The following ADAMTSL3 variants were observed in gnomAD, a reference collection of about 807,000 sequenced individuals.
The protein encoded by ADAMTSL3 is ADAMTS like 3.
Under a neutral mutation model 201.7 loss-of-function variants are expected in ADAMTSL3, and 128 were observed. The observed-to-expected ratio is 0.63, with a 90% CI of 0.55 to 0.73. The LOEUF is 0.73. ADAMTSL3 is among the 30% of genes least tolerant of loss of function. The pLI, the probability that ADAMTSL3 is intolerant of heterozygous loss-of-function variation, is 0.00. For synonymous variants in ADAMTSL3, 738 were observed against 748.4 expected (o/e 0.99, Z 0.23); for missense variants, 1,990 against 2,119.6 (o/e 0.94, Z 1.20).
chr15:83,951,736 TGG>T (rs969377324), intron 19 of ADAMTSL3, among the ~76,000 whole-genome samples: 3 of 152,172 alleles, frequency 2.0e-5, no homozygotes, highest in African/African-American at 7.2e-5. Flanking sequence ...TGGTTCAATC[TGG>T]GTAGGTTGTA....
chr15:84,007,267 C>T (rs2067911876), intron 23 of ADAMTSL3, among the ~76,000 whole-genome samples: 1 of 152,166 alleles, frequency 6.6e-6, no homozygotes. Flanking sequence ...AACAGAGAAC[C>T]ACCTCGAACT....
At chr15:83,722,579 A>G (rs1463966892) in intron 3 of ADAMTSL3, among the ~76,000 whole-genome samples, 1 of 152,194 alleles carries the variant, frequency 6.6e-6, no homozygotes, top group East Asian at 1.9e-4. Flanking sequence ...TTAAGTGAAG[A>G]GGTTTGAATC....
At chr15:83,797,897 A>G (rs1232927595) in intron 4 of ADAMTSL3, among the ~76,000 whole-genome samples, 1 of 152,204 alleles carries the variant, frequency 6.6e-6, no homozygotes, top group Non-Finnish European at 1.5e-5. Context: ...CTGTGGGTGC[A>G]GTTTAAAATT....
rs1362253973 is a variant in ADAMTSL3, at chr15:83,982,576, T to C, written c.2948T>C (p.Ile983Thr). Residue 983 changes from isoleucine to threonine, a missense_variant, in exon 21 of 30, where the codon ATT (isoleucine) becomes ACT (threonine). Physicochemically the swap from Ile to Thr is moderately conservative, Grantham distance 89. Coordinates refer to ENST00000286744, the MANE Select transcript of ADAMTSL3 (RefSeq NM_207517.3). ...CCCGACATCGGCGTGTACCGGTGCA[T>C]TGCAGGCTCTGCACAGGAAACAGTT... ...AAPDIGVYRC[I>T]AGSAQETVVL... is the part of the protein sequence containing the mutation. 1 of 1,614,068 alleles carries C rather than the reference T, an allele frequency of 6.2e-7. No homozygotes were observed. Among genetic ancestry groups the C allele is most frequent in the Non-Finnish European group, 8.5e-7 (1 of 1,180,042 alleles).
intron 23 of ADAMTSL3, among the ~76,000 whole-genome samples, chr15:83,996,547 C>T (rs1196011044): frequency 3.3e-5 from 5 of 151,902 alleles, no homozygotes; most frequent in East Asian, 1.9e-4. Flanking sequence ...TTTGGGAGGC[C>T]GAGGCAGGCA....
chr15:83,885,486 G>C (rs963621945), intron 10 of ADAMTSL3, among the ~76,000 whole-genome samples: 22 of 151,136 alleles, frequency 1.5e-4, no homozygotes, highest in Admixed American at 1.4e-3. Context: ...TTGTTTTCAT[G>C]TGTTACTGCA....
At position 84,002,584 on chromosome 15, in the gene ADAMTSL3, A is replaced by G. The variant is rs187640627; in HGVS notation, c.3973+11370A>G. Reference sequence around the variant, plus strand: ...CCAAACAACCATGCACCTTTCTTCCATGCACCATCATTAGACCAATGGGTA... The same window carrying G: ...CCAAACAACCATGCACCTTTCTTCCGTGCACCATCATTAGACCAATGGGTA... On this transcript the variant is annotated intron_variant, in intron 23 of 29. Transcript: ENST00000286744. Among the ~76,000 whole-genome samples, 3 of 152,188 alleles carry G rather than the reference A, an allele frequency of 2.0e-5. No individual in the cohort carries two copies. In the East Asian group the frequency reaches 5.8e-4, roughly 29 times the overall value.
Position 83,683,407 on chromosome 15 carries a change from A to G in ADAMTSL3, c.70-20982A>G, listed in dbSNP as rs114658990. On this transcript the variant is annotated intron_variant, in intron 2 of 29. Coordinates refer to ENST00000286744, the MANE Select transcript of ADAMTSL3 (RefSeq NM_207517.3). ...CAAGACATCCACAAAGTCTTTCCCA[A>G]TCCTCCCACTGGCATACATCTCCCC... Among the ~76,000 whole-genome samples the G allele has an allele frequency of 6.9e-4, 105 of 152,078 alleles. 1 individual carries two copies. The highest frequency in any genetic ancestry group is 3.4e-3 in the Middle Eastern group (1 of 294).
intron 3 of ADAMTSL3, among the ~76,000 whole-genome samples, chr15:83,743,244 CT>C (rs1212337809): frequency 2.0e-5 from 3 of 152,130 alleles, no homozygotes; most frequent in Non-Finnish European, 4.4e-5. Flanking sequence ...TGAATAAATG[CT>C]TTAAAAAGTG....
chr15:83,946,210 T>A (rs1388925471), intron 19 of ADAMTSL3, among the ~76,000 whole-genome samples: 1 of 152,198 alleles, frequency 6.6e-6, no homozygotes, highest in Non-Finnish European at 1.5e-5. Context: ...GTCACTGGTG[T>A]CTTAGAGTGG....
intron 23 of ADAMTSL3, among the ~76,000 whole-genome samples, chr15:83,993,703 T>C (rs2067626231): frequency 6.6e-6 from 1 of 152,230 alleles, no homozygotes; most frequent in Admixed American, 6.5e-5. Context: ...TATTTGCCTA[T>C]TTCTAAAGGT....
chr15:83,818,013 A>G (rs1272120071), intron 5 of ADAMTSL3, among the ~76,000 whole-genome samples: 7 of 152,218 alleles, frequency 4.6e-5, no homozygotes, highest in African/African-American at 1.2e-4. Flanking sequence ...CTCTATTTCA[A>G]AAAGAAAACG....
intron 15 of ADAMTSL3, among the ~76,000 whole-genome samples, chr15:83,910,340 T>A (rs1014912963): frequency 2.0e-5 from 3 of 151,192 alleles, no homozygotes; most frequent in African/African-American, 7.3e-5. Flanking sequence ...AAAAAAAAAA[T>A]TGGTGAGGGG....
chr15:83,883,606 A>G (rs1195748303), intron 9 of ADAMTSL3, among the ~76,000 whole-genome samples: 1 of 149,478 alleles, frequency 6.7e-6, no homozygotes, highest in East Asian at 2.0e-4. Context: ...CCCAGACTGG[A>G]GTGCAGTGGC....
At chr15:83,960,347 A>G (rs578257066) in intron 19 of ADAMTSL3, among the ~76,000 whole-genome samples, 1 of 152,186 alleles carries the variant, frequency 6.6e-6, no homozygotes, top group South Asian at 2.1e-4. Flanking sequence ...GCCAAAGACC[A>G]TAAAATCTGG....
At chr15:83,793,755 G>A (rs1168537748) in intron 4 of ADAMTSL3, among the ~76,000 whole-genome samples, 7 of 152,082 alleles carry the variant, frequency 4.6e-5, no homozygotes, top group African/African-American at 9.7e-5. Flanking sequence ...GGGATTATGG[G>A]TATGTATCTG....
intron 9 of ADAMTSL3, among the ~76,000 whole-genome samples, chr15:83,872,682 C>CTTTCTCAGGAAATGCCTGTGAGA (rs1555455106): frequency 2.1e-5 from 3 of 145,384 alleles, no homozygotes; most frequent in African/African-American, 5.2e-5. Context: ...CTTCTCAAGT[C>CTTTCTCAGGAAATGCCTGTGAGA]AACTTGGAGG....
chr15:83,942,181 C>G (rs985751033), intron 17 of ADAMTSL3, among the ~76,000 whole-genome samples: 5 of 152,174 alleles, frequency 3.3e-5, no homozygotes, highest in Admixed American at 6.5e-5. Flanking sequence ...TAGGGATATT[C>G]CAAATAATGA....
intron 4 of ADAMTSL3, among the ~76,000 whole-genome samples, chr15:83,801,614 G>T (rs1189673504): frequency 1.8e-5 from 2 of 113,040 alleles, no homozygotes; most frequent in Admixed American, 1.0e-4. Flanking sequence ...ACAAGAAAAG[G>T]TCAATGAAAT....
Sources: allele counts gnomAD v4.1 joint callset (sites outside exome capture counted in the v4.1 genomes callset), GRCh38; gene constraint gnomAD v4.1.1; transcripts MANE v1.5; gene names NCBI Gene and HGNC (gene_info 2026-07-23, HGNC 2026-07-21).